Variants in AATK observed in about 807,000 individuals in gnomAD.
AATK encodes serine/threonine-protein kinase LMTK1.
A neutral mutation model predicts 114.3 loss-of-function variants in AATK; 91 were observed. The ratio of observed to expected loss-of-function variants is 0.80; its 90% CI spans 0.67 to 0.95. The LOEUF (loss-of-function observed/expected upper bound fraction) is 0.95. Ranked by LOEUF, AATK falls within the 40% of genes least tolerant of loss-of-function variation. The pLI is 0.00. For missense variants in AATK, 2,176 were observed against 1,965.2 expected, an observed-to-expected ratio of 1.11 and a Z score of -2.03; for synonymous variants, 1,075 against 916.5, an observed-to-expected ratio of 1.17 and a Z score of -3.12.
intron 9 of AATK, among the ~76,000 whole-genome samples, 178 bp from the exon 10 acceptor site, chr17:81,123,521 T>C (rs1215631763): frequency 6.6e-6 from 1 of 152,122 alleles, no homozygotes; most frequent in African/African-American, 2.4e-5. Context: ...CAGCAGGCAA[T>C]GTGCACCCTG....
intron 1 of AATK, among the ~76,000 whole-genome samples, chr17:81,149,684 G>A (rs2061270137): frequency 6.6e-6 from 1 of 151,952 alleles, no homozygotes; most frequent in Non-Finnish European, 1.5e-5. Context: ...AACAGCCCTG[G>A]GTGCCTGGAG....
At chr17:81,134,563 G>A in intron 1 of AATK, 62 bp from the exon 2 acceptor site, 1 of 1,562,614 alleles carries the variant, frequency 6.4e-7, no homozygotes, top group East Asian at 2.4e-5. Flanking sequence ...CCCTGCCCCT[G>A]CTCTGGGCTC....
intron 1 of AATK, among the ~76,000 whole-genome samples, chr17:81,158,329 T>C (rs1390839421): frequency 6.6e-6 from 1 of 152,208 alleles, no homozygotes; most frequent in East Asian, 1.9e-4. Flanking sequence ...GACACCTGCC[T>C]CTGGGCCACA....
intron 1 of AATK, among the ~76,000 whole-genome samples, chr17:81,148,572 C>T (rs1199980239): frequency 6.6e-6 from 1 of 152,228 alleles, no homozygotes; most frequent in Admixed American, 6.5e-5. Context: ...GGATGAGGTA[C>T]CTGGGGATGA....
chr17:81,133,430 G>A, intron 2 of AATK: 1 of 324,214 alleles, frequency 3.1e-6, no homozygotes, highest in South Asian at 2.2e-5. Flanking sequence ...TAGTAGGAAG[G>A]CACCCTGAGA....
Position 81,157,017 on chromosome 17 carries a change from C to T in AATK, c.55+8921G>A, listed in dbSNP as rs533269350. On this transcript the variant is annotated intron_variant, in intron 1 of 13. Transcript: ENST00000326724. ...GGACAGCAACGGTGCCCCCACAGGC[C>T]CTGGTGGCGGCATCGTGCCCAGCCC... 6.0e-4 allele frequency among the ~76,000 whole-genome samples: 91 copies of T among 152,258 alleles called. No individual in the cohort carries two copies. In the South Asian group the frequency reaches 0.017, roughly 29 times the overall value.
At chr17:81,139,761 G>C (rs2061095316) in intron 1 of AATK, among the ~76,000 whole-genome samples, 1 of 152,244 alleles carries the variant, frequency 6.6e-6, no homozygotes. Context: ...GCCATGGTGA[G>C]AATGGGGGCA....
intron 3 of AATK, among the ~76,000 whole-genome samples, chr17:81,130,724 AGTGCCCACCCCTGCCCC>A (rs945933319): frequency 5.9e-5 from 9 of 151,750 alleles, no homozygotes; most frequent in East Asian, 1.9e-4. Flanking sequence ...CCCCTGCCCC[AGTGCCCACCCCTGCCCC>A]GTGCCCACCC....
intron 3 of AATK, among the ~76,000 whole-genome samples, chr17:81,129,646 C>T (rs1202289596): frequency 3.9e-5 from 6 of 152,188 alleles, no homozygotes; most frequent in African/African-American, 1.4e-4. Flanking sequence ...CTTTCGGGCT[C>T]CTGTTCGCCA....
At chr17:81,161,042 T>C (rs2061424611) in intron 1 of AATK, among the ~76,000 whole-genome samples, 1 of 152,038 alleles carries the variant, frequency 6.6e-6, no homozygotes, top group African/African-American at 2.4e-5. Flanking sequence ...CTCATTTTCT[T>C]CCAAGGATAA....
chr17:81,144,913 C>T lies in AATK; in HGVS notation c.56-10412G>A, dbSNP rs185250081. Among the ~76,000 whole-genome samples the T allele has an allele frequency of 2.0e-3, 301 of 152,316 alleles. 3 individuals are homozygous for T. Among genetic ancestry groups the T allele is most frequent in the African/African-American group, 6.4e-3 (264 of 41,564 alleles). ...ACCCACCAAAATCTGGGCCTGGCCA[C>T]GCAGAGGATTCCACACTCCATGAAA... On this transcript the variant is annotated intron_variant, in intron 1 of 13. Coordinates refer to ENST00000326724, the MANE Select transcript of AATK (RefSeq NM_001080395.3).
chr17:81,140,817 C>T (rs1222920950), intron 1 of AATK, among the ~76,000 whole-genome samples: 3 of 92,952 alleles, frequency 3.2e-5, no homozygotes, highest in Non-Finnish European at 6.5e-5. Flanking sequence ...GGCTGTGAGC[C>T]GTGGGGCCGG....
chr17:81,159,323 G>A (rs1160856676), intron 1 of AATK, among the ~76,000 whole-genome samples: 1 of 152,168 alleles, frequency 6.6e-6, no homozygotes, highest in Non-Finnish European at 1.5e-5. Context: ...TGGGGCAGCT[G>A]GGAGGGCGCC....
chr17:81,144,334 C>T (rs2061185269), intron 1 of AATK, among the ~76,000 whole-genome samples: 1 of 152,230 alleles, frequency 6.6e-6, no homozygotes, highest in African/African-American at 2.4e-5. Flanking sequence ...CTTGTCCCAG[C>T]CCCACACTGC....
chr17:81,121,985 A>C lies in AATK; in HGVS notation c.1951T>G (p.Ser651Ala). Reference sequence around the variant, plus strand: ...GTCAGCGGCAGCGGGGGCGCCCCTGAGCTCCCCAAAGGGGACGTGCCCAGT... The same window carrying C: ...GTCAGCGGCAGCGGGGGCGCCCCTGCGCTCCCCAAAGGGGACGTGCCCAGT... ...DPLGTSPLGS[S>A]GAPPLPLTGE... Residue 651 changes from serine (S) to alanine (A), a missense_variant, in exon 11 of 14, where the codon TCA (serine) becomes GCA (alanine). Physicochemically the swap from Ser to Ala is moderately conservative, Grantham distance 99. Transcript: ENST00000326724. The C allele has an allele frequency of 6.2e-7, 1 of 1,601,396 alleles. No individual in the cohort carries two copies. The highest frequency in any genetic ancestry group is 8.5e-7 in the Non-Finnish European group (1 of 1,178,546).
At position 81,122,321 on chromosome 17, in the gene AATK, G is replaced by GTGCGGCCTCCTCTAGGCGGA; in HGVS notation, c.1595_1614dup (p.Pro539SerfsTer3). The GTGCGGCCTCCTCTAGGCGGA allele has an allele frequency of 6.6e-7, 1 of 1,511,340 alleles. No homozygotes were observed. The highest frequency in any genetic ancestry group is 2.1e-5 in the Admixed American group (1 of 48,270). 93.6% of individuals were successfully genotyped at this position (1,511,340 alleles called of 1,614,324 possible). ...CAGTCAGGGTCGTGGCCGGCGGCGGGTGCGGCCTCCTCTAGGCGGATGAAG... is the reference window on the plus strand; with the variant it reads ...CAGTCAGGGTCGTGGCCGGCGGCGGGTGCGGCCTCCTCTAGGCGGATGCGGCCTCCTCTAGGCGGATGAAG... On this transcript the variant is annotated stop_gained and frameshift_variant, in exon 11 of 14. Coordinates refer to ENST00000326724, the MANE Select transcript of AATK (RefSeq NM_001080395.3). LOFTEE classifies it high-confidence loss of function.
chr17:81,160,380 G>T, intron 1 of AATK: 1 of 402,962 alleles, frequency 2.5e-6, no homozygotes, highest in Non-Finnish European at 3.4e-6. Flanking sequence ...GGAGGCTGGA[G>T]ACCCGGCGAG....
At position 81,122,683 on chromosome 17, in the gene AATK, C is replaced by T. The variant is rs767493541; in HGVS notation, c.1253G>A (p.Arg418Gln). The change falls in exon 11 of 14, where the codon CGG becomes CAG. Residue 418 changes from arginine (R) to glutamine (Q), a missense_variant. Arg to Gln is a conservative substitution (Grantham distance 43). This residue lies in a region of AATK where 1,701 missense variants were observed against 1,394.7 expected (regional missense o/e 1.22). Coordinates refer to ENST00000326724, the MANE Select transcript of AATK (RefSeq NM_001080395.3). ...GGGCCCCACGCCGCCCCCGCCGGGC[C>T]GCAGAGAGCGCCAGCGCCGTTCAAA... ...EEFERRWRSL[R>Q]PGGGGVGPGP... The T allele has an allele frequency of 1.9e-6, 3 of 1,538,872 alleles. No individual in the cohort carries two copies. The highest frequency in any genetic ancestry group is 2.0e-5 in the Admixed American group (1 of 50,574).
In AATK at chr17:81,119,378, A is replaced by G; in HGVS notation, c.4084+2T>C. On this transcript the variant is annotated splice_donor_variant, in intron 13 of 13. Transcript: ENST00000326724. LOFTEE classifies it high-confidence loss of function. ...TCTGCCACAGCCCCGCCCAGGCCTC[A>G]CCTCTCTTGGACTCGGCGTCCGAGT... is the stretch of plus-strand genomic sequence containing the variant. 1 of 1,391,886 alleles carries G rather than the reference A, an allele frequency of 7.2e-7. No individual in the cohort carries two copies. The highest frequency in any genetic ancestry group is 9.6e-7 in the Non-Finnish European group (1 of 1,046,290). 86.2% of individuals were successfully genotyped at this position (1,391,886 alleles called of 1,614,324 possible).
Sources: gnomAD v4.1 joint callset for allele counts (sites outside exome capture counted in the v4.1 genomes callset) on GRCh38, gnomAD v4.1.1 for gene constraint, gnomAD v4.1.1 regional missense constraint, MANE v1.5 for transcripts, NCBI Gene and HGNC (gene_info 2026-07-23, HGNC 2026-07-21) for gene names.